The following FRMD3 variants were observed in gnomAD, a reference collection of about 807,000 sequenced individuals.
FRMD3 encodes FERM domain-containing protein 3.
In FRMD3, 33 loss-of-function variants were observed where a neutral mutation model predicts 70.2. The ratio of observed to expected loss-of-function variants is 0.47; its 90% confidence interval spans 0.36 to 0.63. The LOEUF (loss-of-function observed/expected upper bound fraction) is 0.63, where lower values mean the gene tolerates loss of function less well. Among genes scored for constraint, FRMD3 ranks in the 20% least tolerant of loss-of-function variants. FRMD3 has a pLI of 0.00. For missense variants in FRMD3, 632 were observed against 711.4 expected (o/e 0.89, Z 1.27); for synonymous variants, 279 against 255.9 (o/e 1.09, Z -0.86).
intron 10 of FRMD3, among the ~76,000 whole-genome samples, chr9:83,301,890 T>C (rs1274297160): frequency 6.6e-6 from 1 of 152,250 alleles, no homozygotes; most frequent in East Asian, 1.9e-4. Context: ...TGTGCGTCTT[T>C]CTGGCTGCGG....
the FRMD3 span, among the ~76,000 whole-genome samples, chr9:83,568,090 T>A: frequency 6.6e-6 from 1 of 152,212 alleles, no homozygotes; most frequent in Non-Finnish European, 1.5e-5. Flanking sequence ...TAGGGAGGCC[T>A]CAGAATCATG....
chr9:83,439,898 G>A (rs1295313197), intron 1 of FRMD3, among the ~76,000 whole-genome samples: 1 of 152,168 alleles, frequency 6.6e-6, no homozygotes, highest in Non-Finnish European at 1.5e-5. Flanking sequence ...CTGGTAGAAA[G>A]ACTAGATATA....
chr9:83,259,403 C>T (rs1269965089), intron 13 of FRMD3, among the ~76,000 whole-genome samples: 1 of 152,126 alleles, frequency 6.6e-6, no homozygotes, highest in Admixed American at 6.6e-5. Flanking sequence ...AGTTGAGTTG[C>T]CTACCTCATG....
intron 3 of FRMD3, among the ~76,000 whole-genome samples, chr9:83,365,956 T>C (rs1824772355): frequency 2.6e-5 from 4 of 152,086 alleles, no homozygotes; most frequent in Non-Finnish European, 4.4e-5. Context: ...CAGGAACCAC[T>C]GGCCTCAGCA....
chr9:83,298,808 A>T lies in FRMD3; in HGVS notation c.1010T>A (p.Val337Asp). ...KGSRFRYSGK[V>D]AKEVVEASSK... ...ACTGGCCTCCACCACCTCTTTGGCA[A>T]CTTTCCCACTGCAAAAGACAGAAAC... The change falls in exon 12 of 14, where the codon GTT (valine) becomes GAT (aspartate). Residue 337 changes from valine to aspartate, a missense_variant. Val to Asp is a radical substitution (Grantham distance 152). Transcript: ENST00000304195. 6.2e-7 allele frequency: 1 copy of T among 1,614,178 alleles called. No homozygotes were observed. Among genetic ancestry groups the T allele is most frequent in the Non-Finnish European group, 8.5e-7 (1 of 1,179,990 alleles).
Position 83,538,236 on chromosome 9 carries a change from C to A in FRMD3, c.-5G>T, listed in dbSNP as rs751128066. ...ACAGTGGCAGGAGGCGAACATGCAC[C>A]GCGGCCGTGGGGAGCGAGCGGGAGG... is the stretch of plus-strand genomic sequence containing the variant. On this transcript the variant is annotated 5_prime_UTR_variant, in exon 1 of 14. Coordinates refer to ENST00000304195, the MANE Select transcript of FRMD3 (RefSeq NM_174938.6). The surrounding 1 kb of genome is among the most constrained non-coding windows in gnomAD (Gnocchi z 4.7). The A allele has an allele frequency of 3.2e-6, 5 of 1,559,564 alleles. No individual in the cohort carries two copies. In the African/African-American group the frequency reaches 6.8e-5, roughly 21 times the overall value.
In FRMD3 at chr9:83,538,256, G is replaced by A. The variant is rs760752529; in HGVS notation, c.-25C>T. 1.1e-5 allele frequency: 17 copies of A among 1,543,848 alleles called. No homozygotes were observed. Among genetic ancestry groups the A allele is most frequent in the East Asian group, 2.4e-5 (1 of 40,848 alleles). On this transcript the variant is annotated 5_prime_UTR_variant, in exon 1 of 14. Coordinates refer to ENST00000304195, the MANE Select transcript of FRMD3 (RefSeq NM_174938.6). This position sits in a 1 kb window ranked among gnomAD's most constrained non-coding sequence, Gnocchi z 4.7. The stretch of plus-strand genomic sequence containing the variant: ...TGCACCGCGGCCGTGGGGAGCGAGC[G>A]GGAGGCTCAGGGCCGGCGCGGTGCT...
At chr9:83,414,955 G>A (rs966849805) in intron 1 of FRMD3, among the ~76,000 whole-genome samples, 3 of 152,188 alleles carry the variant, frequency 2.0e-5, no homozygotes, top group African/African-American at 7.2e-5. Flanking sequence ...TTAAATGGAG[G>A]GGAACCACCA....
intron 3 of FRMD3, among the ~76,000 whole-genome samples, chr9:83,371,162 AAT>A (rs1824958736): frequency 6.6e-6 from 1 of 152,202 alleles, no homozygotes; most frequent in African/African-American, 2.4e-5. Context: ...TATACTGAAA[AAT>A]AGTCTAAATA....
chr9:83,376,951 A>C (rs1477521968), intron 2 of FRMD3, among the ~76,000 whole-genome samples: 1 of 77,014 alleles, frequency 1.3e-5, no homozygotes, highest in African/African-American at 4.3e-5. Context: ...GTTATTAAGA[A>C]ATTGTGGTTG....
rs149036323 is a variant in FRMD3 at position 83,522,853 on chromosome 9, G to A, written c.147+15232C>T. Among the ~76,000 whole-genome samples, 746 of 152,160 alleles carry A rather than the reference G, an allele frequency of 4.9e-3. 7 individuals are homozygous for A. The highest frequency in any genetic ancestry group is 0.017 in the African/African-American group (707 of 41,508). ...GCTGGGATTACAGGCGTGAGCCACCGCGCCCAGCCCGATATATTTTTTAAA... is the reference window on the plus strand; with the variant it reads ...GCTGGGATTACAGGCGTGAGCCACCACGCCCAGCCCGATATATTTTTTAAA... On this transcript the variant is annotated intron_variant, in intron 1 of 13. Transcript: ENST00000304195.
At chr9:83,333,243 T>C (rs1056804677) in intron 6 of FRMD3, among the ~76,000 whole-genome samples, 1 of 152,222 alleles carries the variant, frequency 6.6e-6, no homozygotes, top group African/African-American at 2.4e-5. Context: ...GGTGATATGA[T>C]TCCTGACAGG....
chr9:83,311,801 C>T (rs1482205657), intron 8 of FRMD3, 86 bp downstream of exon 8: 1 of 916,958 alleles, frequency 1.1e-6, no homozygotes, highest in Non-Finnish European at 1.8e-6. Context: ...GGCATTCTAC[C>T]TGACACTTGC....
rs1184226415 is a variant in FRMD3 at position 83,416,745 on chromosome 9, G to GTCTCTCTCTCTCTCTCTC, written c.148-27055_148-27038dup. On this transcript the variant is annotated intron_variant, in intron 1 of 13. Transcript: ENST00000304195. ...GGATGTCCCTAAAACATTTCTCTCT[G>GTCTCTCTCTCTCTCTCTC]TCTCTCTCTCTCTCTCTCTCTCTCT... Among the ~76,000 whole-genome samples the GTCTCTCTCTCTCTCTCTC allele has an allele frequency of 6.0e-4, 61 of 102,264 alleles. 3 individuals are homozygous for GTCTCTCTCTCTCTCTCTC. The highest frequency in any genetic ancestry group is 1.0e-3 in the South Asian group (3 of 2,922). 67.1% of individuals were successfully genotyped at this position (102,264 alleles called of 152,430 possible).
At chr9:83,368,092 T>C (rs75300531) in intron 3 of FRMD3, among the ~76,000 whole-genome samples, 1,971 of 152,240 alleles carry the variant, frequency 0.013, 34 homozygotes, top group African/African-American at 0.045. Context: ...TCCTGTATGA[T>C]ATTGAAAAAA....
chr9:83,381,188 C>T (rs1249670075), intron 2 of FRMD3, among the ~76,000 whole-genome samples: 1 of 152,190 alleles, frequency 6.6e-6, no homozygotes, highest in East Asian at 1.9e-4. Context: ...TATGACACAA[C>T]AGCAACAACA....
chr9:83,334,767 A>C (rs907997994), intron 6 of FRMD3, among the ~76,000 whole-genome samples: 1 of 152,190 alleles, frequency 6.6e-6, no homozygotes, highest in Non-Finnish European at 1.5e-5. Flanking sequence ...ACCATCACAC[A>C]GGGCATAAAG....
At chr9:83,381,147 T>G (rs1388108267) in intron 2 of FRMD3, among the ~76,000 whole-genome samples, 2 of 152,236 alleles carry the variant, frequency 1.3e-5, no homozygotes. Context: ...CTGCCAATAA[T>G]CATGGTTTCC....
chr9:83,282,933 G>A (rs912439319), intron 13 of FRMD3, among the ~76,000 whole-genome samples: 1 of 152,138 alleles, frequency 6.6e-6, no homozygotes, highest in African/African-American at 2.4e-5. Context: ...AAGGCATTGA[G>A]CTTCCTTACA....
Sources: allele counts gnomAD v4.1 joint callset (sites outside exome capture counted in the v4.1 genomes callset), GRCh38; gene constraint gnomAD v4.1.1; non-coding constraint Gnocchi (gnomAD v3.1); transcripts MANE v1.5; gene names NCBI Gene and HGNC (gene_info 2026-07-23, HGNC 2026-07-21).